Variants in SLC6A5 observed in about 807,000 individuals in gnomAD.
The protein encoded by SLC6A5 is sodium- and chloride-dependent glycine transporter 2.
In SLC6A5, 58 loss-of-function variants were observed where a neutral mutation model predicts 90.5. That is an observed-to-expected ratio of 0.64 (90% confidence interval 0.52 to 0.80). SLC6A5 has a LOEUF of 0.80. Ranked by LOEUF, SLC6A5 falls within the 30% of genes least tolerant of loss-of-function variation. The pLI is 0.00. For synonymous variants in SLC6A5, 427 were observed against 401.4 expected (o/e 1.06, Z -0.76); for missense variants, 1,015 against 1,017.6 (o/e 1.00, Z 0.03).
At chr11:20,612,402 A>T (rs1852711058) in intron 5 of SLC6A5, among the ~76,000 whole-genome samples, 1 of 152,128 alleles carries the variant, frequency 6.6e-6, no homozygotes, top group Non-Finnish European at 1.5e-5. Context: ...GACAAATGGA[A>T]CTCATTCAAG....
intron 7 of SLC6A5, among the ~76,000 whole-genome samples, chr11:20,620,420 C>T (rs2133791299): frequency 6.6e-6 from 1 of 152,298 alleles, no homozygotes; most frequent in Admixed American, 6.5e-5. Flanking sequence ...CTTAGGATTG[C>T]TGTAAGGATG....
chr11:20,613,049 T>C (rs1296442927), intron 5 of SLC6A5, among the ~76,000 whole-genome samples: 1 of 152,212 alleles, frequency 6.6e-6, no homozygotes. Context: ...TCCTGGCTTC[T>C]GTAGGTGTTT....
chr11:20,618,826 A>G (rs1300544274), intron 7 of SLC6A5, among the ~76,000 whole-genome samples: 1 of 152,042 alleles, frequency 6.6e-6, no homozygotes, highest in Non-Finnish European at 1.5e-5. Context: ...AGTCCCTGCT[A>G]CTTGGGAGGC....
At chr11:20,641,488 T>C (rs991595685) in intron 13 of SLC6A5, among the ~76,000 whole-genome samples, 2 of 151,044 alleles carry the variant, frequency 1.3e-5, no homozygotes, top group East Asian at 1.9e-4. Flanking sequence ...TTTTTTAAAG[T>C]ACAAAACCCC....
At chr11:20,633,648 C>A (rs538499272) in intron 10 of SLC6A5, among the ~76,000 whole-genome samples, 1 of 152,126 alleles carries the variant, frequency 6.6e-6, no homozygotes, top group Non-Finnish European at 1.5e-5. Flanking sequence ...CCCCTTTGAT[C>A]CCTTCTCATA....
chr11:20,638,408 C>T, intron 12 of SLC6A5, 51 bp from the exon 13 acceptor site: 6 of 1,135,702 alleles, frequency 5.3e-6, no homozygotes, highest in African/African-American at 1.5e-5. Flanking sequence ...TGGGAAGAGA[C>T]AGCCTGGCTT....
intron 5 of SLC6A5, among the ~76,000 whole-genome samples, chr11:20,609,820 A>T (rs1259103864): frequency 6.6e-6 from 1 of 152,204 alleles, no homozygotes; most frequent in East Asian, 1.9e-4. Flanking sequence ...CTCCAGCCCC[A>T]GAGGAAAGCC....
intron 7 of SLC6A5, among the ~76,000 whole-genome samples, chr11:20,620,656 C>A (rs1006630046): frequency 6.6e-6 from 1 of 152,094 alleles, no homozygotes; most frequent in South Asian, 2.1e-4. Context: ...CACATTGATT[C>A]CCATTTTGTA....
At chr11:20,642,790 G>A (rs1853338383) in intron 13 of SLC6A5, among the ~76,000 whole-genome samples, 1 of 152,178 alleles carries the variant, frequency 6.6e-6, no homozygotes, top group African/African-American at 2.4e-5. Flanking sequence ...CTGGGTGCTG[G>A]GAGTGAGGCA....
intron 15 of SLC6A5, among the ~76,000 whole-genome samples, chr11:20,652,884 C>T (rs531682250): frequency 6.6e-6 from 1 of 152,312 alleles, no homozygotes; most frequent in South Asian, 2.1e-4. Context: ...AAAATCACTA[C>T]CCCCTCCTGT....
intron 9 of SLC6A5, 45 bp from the exon 10 acceptor site, chr11:20,630,646 C>G (rs1853090699): frequency 6.2e-7 from 1 of 1,612,500 alleles, no homozygotes; most frequent in Non-Finnish European, 8.5e-7. Context: ...TCCCTTTCCA[C>G]TCACCAAGCA....
At chr11:20,647,323 T>TTA (rs1430164393) in intron 14 of SLC6A5, among the ~76,000 whole-genome samples, 9 of 51,496 alleles carry the variant, frequency 1.7e-4, no homozygotes, top group Non-Finnish European at 2.4e-4. Flanking sequence ...AGTTATATAG[T>TTA]TATATATATA....
intron 7 of SLC6A5, among the ~76,000 whole-genome samples, chr11:20,622,584 C>T (rs143588206): frequency 3.9e-4 from 60 of 152,288 alleles, no homozygotes; most frequent in Middle Eastern, 6.8e-3. Flanking sequence ...TATTTAAACC[C>T]TTGTGAGATG....
chr11:20,620,794 A>T (rs1485150197), intron 7 of SLC6A5, among the ~76,000 whole-genome samples: 1 of 151,678 alleles, frequency 6.6e-6, no homozygotes, highest in African/African-American at 2.4e-5. Flanking sequence ...ATTTTTATTT[A>T]TATTTATTTT....
At chr11:20,653,775 C>T (rs980779203) in intron 15 of SLC6A5, among the ~76,000 whole-genome samples, 3 of 152,174 alleles carry the variant, frequency 2.0e-5, no homozygotes, top group Non-Finnish European at 4.4e-5. Context: ...ATAAGCCTCC[C>T]CACCAACTGA....
At chr11:20,648,414 C>T (rs1165452861) in intron 14 of SLC6A5, among the ~76,000 whole-genome samples, 1 of 152,198 alleles carries the variant, frequency 6.6e-6, no homozygotes, top group Non-Finnish European at 1.5e-5. Flanking sequence ...TGATCTCCCT[C>T]TGCGTTGACA....
chr11:20,653,876 T>G (rs1420551135), intron 15 of SLC6A5, among the ~76,000 whole-genome samples: 1 of 152,212 alleles, frequency 6.6e-6, no homozygotes, highest in Non-Finnish European at 1.5e-5. Flanking sequence ...TTGAGTTGGC[T>G]ATATAAATTT....
At chr11:20,601,804 T>C (rs535133383) in intron 2 of SLC6A5, 139 bp downstream of exon 2, 2 of 947,992 alleles carry the variant, frequency 2.1e-6, no homozygotes, top group East Asian at 5.3e-5. Context: ...GGAGGCGGCT[T>C]TGGGGCTTCG....
Position 20,655,303 on chromosome 11 carries a change from C to T in SLC6A5, c.*435C>T, listed in dbSNP as rs1853622862. On this transcript the variant is annotated 3_prime_UTR_variant, in exon 16 of 16. Coordinates refer to ENST00000525748, the MANE Select transcript of SLC6A5 (RefSeq NM_004211.5). ...AACTGAGCAATGTGGTGATCTTGTT[C>T]AGACACACAAAGTTCAAGACAGGTT... 2 of 233,356 alleles carry T rather than the reference C, an allele frequency of 8.6e-6. No individual in the cohort carries two copies. Among genetic ancestry groups the T allele is most frequent in the East Asian group, 9.5e-5 (1 of 10,550 alleles). 14.5% of individuals were successfully genotyped at this position (233,356 alleles called of 1,614,324 possible).
Sources: gnomAD v4.1 joint callset for allele counts (sites outside exome capture counted in the v4.1 genomes callset) on GRCh38, gnomAD v4.1.1 for gene constraint, MANE v1.5 for transcripts, NCBI Gene and HGNC (gene_info 2026-07-23, HGNC 2026-07-21) for gene names.